The following POC1A variants were observed in gnomAD, a reference collection of about 807,000 sequenced individuals.
The protein encoded by POC1A is POC1 centriolar protein homolog A.
In POC1A, 34 loss-of-function variants were observed where a neutral mutation model predicts 47.8. The observed-to-expected ratio is 0.71, with a 90% CI of 0.54 to 0.95. The LOEUF (loss-of-function observed/expected upper bound fraction) is 0.95. POC1A is among the 40% of genes least tolerant of loss of function. The pLI is 0.00. For synonymous variants in POC1A, 177 were observed against 207.6 expected, an observed-to-expected ratio of 0.85 and a Z score of 1.27; for missense variants, 466 against 528.3, an observed-to-expected ratio of 0.88 and a Z score of 1.16.
intron 10 of POC1A, among the ~76,000 whole-genome samples, chr3:52,092,814 G>A (rs575652029): frequency 6.6e-6 from 1 of 152,288 alleles, no homozygotes; most frequent in Non-Finnish European, 1.5e-5. Context: ...CCCCATTTCT[G>A]GAGTTAAAGG....
intron 9 of POC1A, among the ~76,000 whole-genome samples, chr3:52,106,068 G>A (rs1376966067): frequency 4.6e-5 from 7 of 151,528 alleles, no homozygotes; most frequent in Non-Finnish European, 8.8e-5. Context: ...GGTGGCGGGC[G>A]CCTGTAGTCC....
intron 9 of POC1A, among the ~76,000 whole-genome samples, chr3:52,108,096 T>A (rs1657985109): frequency 6.6e-6 from 1 of 152,204 alleles, no homozygotes; most frequent in Non-Finnish European, 1.5e-5. Context: ...ATTCAGGTTA[T>A]AAATACTGGA....
intron 10 of POC1A, among the ~76,000 whole-genome samples, chr3:52,087,525 G>A (rs1702502135): frequency 6.6e-6 from 1 of 152,080 alleles, no homozygotes; most frequent in African/African-American, 2.4e-5. Flanking sequence ...TTTCTCTGAC[G>A]GTTTTGCATC....
chr3:52,092,953 G>T (rs1702693573), intron 10 of POC1A, among the ~76,000 whole-genome samples: 1 of 152,258 alleles, frequency 6.6e-6, no homozygotes, highest in South Asian at 2.1e-4. Context: ...AGCCTTGCAG[G>T]GGCCAGCCAA....
At chr3:52,137,525 C>T (rs1297639278) in intron 7 of POC1A, among the ~76,000 whole-genome samples, 2 of 152,136 alleles carry the variant, frequency 1.3e-5, no homozygotes, top group African/African-American at 4.8e-5. Context: ...GACACTACTT[C>T]CTAGTGGAAG....
Position 52,149,936 on chromosome 3 carries a change from G to A in POC1A, c.155C>T (p.Ser52Leu), listed in dbSNP as rs1174532426. ...CLMVWHMKPQSRAYRFTGHKD... is the reference protein window; with the variant it reads ...CLMVWHMKPQLRAYRFTGHKD... ...GTGGCCAGTGAAGCGGTAGGCGCGT[G>A]ACTGCGGCTTCATGTGCCAGACCAT... The change falls in exon 3 of 11, where the codon TCA becomes TTA. Residue 52 changes from serine (S) to leucine (L), a missense_variant. Physicochemically the swap from Ser to Leu is moderately radical, Grantham distance 145. Transcript: ENST00000296484. 1.2e-6 allele frequency: 2 copies of A among 1,613,760 alleles called. No individual in the cohort carries two copies. The highest frequency in any genetic ancestry group is 1.7e-6 in the Non-Finnish European group (2 of 1,180,038).
At chr3:52,146,902 A>T in intron 5 of POC1A, 86 bp downstream of exon 5, 1 of 1,091,552 alleles carries the variant, frequency 9.2e-7, no homozygotes, top group Non-Finnish European at 1.4e-6. Context: ...GGCTCCAGCC[A>T]CTGAAGGCCA....
intron 2 of POC1A, 126 bp downstream of exon 2, chr3:52,150,890 C>A: frequency 1.3e-6 from 1 of 779,112 alleles, no homozygotes; most frequent in Non-Finnish European, 2.1e-6. Context: ...AGAAGCAAGA[C>A]TAGAAGCAGG....
intron 9 of POC1A, among the ~76,000 whole-genome samples, chr3:52,111,652 TAAAAAAAA>T (rs59028696): frequency 1.1e-5 from 1 of 95,142 alleles, no homozygotes; most frequent in Non-Finnish European, 2.4e-5. Flanking sequence ...GTCTCAAAAT[TAAAAAAAA>T]AAAAAAAAAA....
intron 9 of POC1A, among the ~76,000 whole-genome samples, chr3:52,105,493 G>A (rs1467455913): frequency 6.6e-6 from 1 of 152,170 alleles, no homozygotes; most frequent in Non-Finnish European, 1.5e-5. Context: ...GGGAAGCAGG[G>A]AACACACCGA....
chr3:52,138,806 C>T (rs962650165), intron 6 of POC1A, among the ~76,000 whole-genome samples: 1 of 152,146 alleles, frequency 6.6e-6, no homozygotes, highest in Non-Finnish European at 1.5e-5. Context: ...GGCCTGCATT[C>T]GGACCCCAAG....
intron 10 of POC1A, among the ~76,000 whole-genome samples, chr3:52,095,561 G>A (rs559332448): frequency 2.7e-4 from 41 of 149,882 alleles, no homozygotes; most frequent in African/African-American, 9.1e-4. Flanking sequence ...TCTTTTCCTC[G>A]TGGGCCACAT....
At chr3:52,078,554 C>T (rs1176421468) in intron 10 of POC1A, among the ~76,000 whole-genome samples, 4 of 145,192 alleles carry the variant, frequency 2.8e-5, no homozygotes, top group African/African-American at 1.0e-4. Context: ...TCTGTCGACC[C>T]GGCTGAAGTG....
rs965901353 is a variant in POC1A at position 52,090,834 on chromosome 3, G to C, written c.1125+5735C>G. 3.9e-5 allele frequency among the ~76,000 whole-genome samples: 6 copies of C among 152,154 alleles called. No homozygotes were observed. Among genetic ancestry groups the C allele is most frequent in the African/African-American group, 1.2e-4 (5 of 41,424 alleles). On this transcript the variant is annotated intron_variant, in intron 10 of 10. Coordinates refer to ENST00000296484, the MANE Select transcript of POC1A (RefSeq NM_015426.5). The surrounding 1 kb of genome is among the most constrained non-coding windows in gnomAD (Gnocchi z 4.2). ...GGGGTCCGGCCTAGAGTCCTCCAGGGGTGCTCAGAATGGAGGAGCCTGGCC... is the reference window on the plus strand; with the variant it reads ...GGGGTCCGGCCTAGAGTCCTCCAGGCGTGCTCAGAATGGAGGAGCCTGGCC...
intron 10 of POC1A, 63 bp downstream of exon 10, chr3:52,096,506 C>T (rs751167255): frequency 3.2e-5 from 43 of 1,364,474 alleles, no homozygotes; most frequent in Middle Eastern, 4.6e-4. Context: ...CAACTTCAAA[C>T]GGTCCAAATG....
intron 9 of POC1A, among the ~76,000 whole-genome samples, chr3:52,115,151 T>A (rs1042722447): frequency 6.7e-6 from 1 of 148,326 alleles, no homozygotes; most frequent in Non-Finnish European, 1.5e-5. Flanking sequence ...TTAATAGTAT[T>A]TTTTTTTTTT....
chr3:52,086,313 T>C (rs934317802), intron 10 of POC1A, among the ~76,000 whole-genome samples: 2 of 152,210 alleles, frequency 1.3e-5, no homozygotes, highest in African/African-American at 2.4e-5. Context: ...TGGTCTCAAC[T>C]GTGCTGCACT....
At chr3:52,099,630 C>G (rs1037892783) in intron 9 of POC1A, among the ~76,000 whole-genome samples, 1 of 152,206 alleles carries the variant, frequency 6.6e-6, no homozygotes, top group Non-Finnish European at 1.5e-5. Flanking sequence ...GCAGGTGGAT[C>G]ACTTGAGGAC....
At chr3:52,139,405 C>T (rs1424048883) in intron 6 of POC1A, among the ~76,000 whole-genome samples, 1 of 152,174 alleles carries the variant, frequency 6.6e-6, no homozygotes, top group Non-Finnish European at 1.5e-5. Context: ...TCTGGTGTCC[C>T]TCACTCTCCA....
Sources: allele counts gnomAD v4.1 joint callset (sites outside exome capture counted in the v4.1 genomes callset), GRCh38; gene constraint gnomAD v4.1.1; non-coding constraint Gnocchi (gnomAD v3.1); transcripts MANE v1.5; gene names NCBI Gene and HGNC (gene_info 2026-07-23, HGNC 2026-07-21).